TNFRSF10B: variants seen among roughly 807,000 people sequenced by gnomAD.
The protein encoded by TNFRSF10B is TNF receptor superfamily member 10b.
A neutral mutation model predicts 41.4 loss-of-function variants in TNFRSF10B; 35 were observed. That is an observed-to-expected ratio of 0.85 (90% CI 0.65 to 1.12). TNFRSF10B has a LOEUF of 1.12. Ranked by LOEUF, TNFRSF10B falls within the 50% of genes most tolerant of loss-of-function variation. The probability of loss-of-function intolerance (pLI) is 0.00; values close to 1 mark genes in which losing one functional copy is unlikely to be tolerated. For missense variants in TNFRSF10B, 584 were observed against 552.7 expected (o/e 1.06, Z -0.57); for synonymous variants, 230 against 215.5 (o/e 1.07, Z -0.59).
At chr8:23,068,676 T>C in intron 1 of TNFRSF10B, 75 bp downstream of exon 1, 1 of 1,523,562 alleles carries the variant, frequency 6.6e-7, no homozygotes, top group Non-Finnish European at 8.8e-7. Context: ...ACCCCCGCCG[T>C]GTCCCCCTCT....
In TNFRSF10B at chr8:23,022,189, G is replaced by A; in HGVS notation, c.*482C>T. On this transcript the variant is annotated 3_prime_UTR_variant, in exon 9 of 9. Transcript: ENST00000276431. The stretch of plus-strand genomic sequence containing the variant: ...GTGGGAGAATCGCTTGAGCCTGAGA[G>A]GTCAAGGCTATAGTGAGCCAAGATT... 2 of 451,004 alleles carry A rather than the reference G, an allele frequency of 4.4e-6. No individual in the cohort carries two copies. The highest frequency in any genetic ancestry group is 8.9e-6 in the Non-Finnish European group (2 of 224,392). 27.9% of individuals were successfully genotyped at this position (451,004 alleles called of 1,614,324 possible). A position where few individuals can be genotyped will look rare whatever the true frequency, so the allele number is the denominator to read the frequency against.
chr8:23,028,249 C>A (rs1219909623), intron 5 of TNFRSF10B, 82 bp downstream of exon 5: 39 of 1,594,194 alleles, frequency 2.4e-5, no homozygotes, highest in Middle Eastern at 4.2e-4. Flanking sequence ...GGGGCAGGGG[C>A]AGGCGTTTCT....
chr8:23,031,257 T>C (rs1330306349), intron 2 of TNFRSF10B, among the ~76,000 whole-genome samples: 3 of 152,038 alleles, frequency 2.0e-5, no homozygotes, highest in Non-Finnish European at 4.4e-5. Context: ...TGTATTTTTT[T>C]AGTAGAGACA....
At chr8:23,036,843 C>CA (rs989662285) in intron 2 of TNFRSF10B, among the ~76,000 whole-genome samples, 3 of 151,660 alleles carry the variant, frequency 2.0e-5, no homozygotes, top group Non-Finnish European at 2.9e-5. Flanking sequence ...AACTCCGTCT[C>CA]AAAAAAAAGA....
intron 8 of TNFRSF10B, 80 bp from the exon 9 acceptor site, chr8:23,023,064 C>G: frequency 1.3e-6 from 2 of 1,546,598 alleles, no homozygotes; most frequent in South Asian, 2.3e-5. Context: ...GCCCAGAACC[C>G]AAGGCGGGGA....
In TNFRSF10B at chr8:23,068,949, G is replaced by T; in HGVS notation, c.-55C>A. ...AGGCCCGTGGGTTTCAGCCCTTAAA[G>T]TAGATCGGGCATCGTCGGTGTATTT... On this transcript the variant is annotated 5_prime_UTR_variant, in exon 1 of 9. Coordinates refer to ENST00000276431, the MANE Select transcript of TNFRSF10B (RefSeq NM_003842.5). 1.9e-6 allele frequency: 3 copies of T among 1,612,648 alleles called. No individual in the cohort carries two copies. Among genetic ancestry groups the T allele is most frequent in the Non-Finnish European group, 2.5e-6 (3 of 1,179,786 alleles).
chr8:23,032,825 A>G (rs1350489726), intron 2 of TNFRSF10B, among the ~76,000 whole-genome samples: 3 of 152,254 alleles, frequency 2.0e-5, no homozygotes, highest in Non-Finnish European at 2.9e-5. Context: ...AAGGAGGTGC[A>G]AGACTTTTAA....
intron 1 of TNFRSF10B, chr8:23,049,765 A>C (rs1293102545): frequency 2.0e-5 from 3 of 152,046 alleles, no homozygotes; most frequent in Non-Finnish European, 4.4e-5. Flanking sequence ...ATTATTGGGC[A>C]GTGAGATTCA....
intron 2 of TNFRSF10B, among the ~76,000 whole-genome samples, chr8:23,034,696 A>AGGGT (rs1811980035): frequency 6.6e-6 from 1 of 152,240 alleles, no homozygotes; most frequent in African/African-American, 2.4e-5. Context: ...ACTGCACTCC[A>AGGGT]GCCTGGGTGA....
Position 23,043,155 on chromosome 8 carries a change from TCTGAGGGG to T in TNFRSF10B, c.225_232del (p.Ser75ArgfsTer15). The T allele has an allele frequency of 3.7e-6, 6 of 1,614,148 alleles. No individual in the cohort carries two copies. The highest frequency in any genetic ancestry group is 1.7e-5 in the Admixed American group (1 of 60,028). On this transcript the variant is annotated frameshift_variant, in exon 2 of 9. Transcript: ENST00000276431. LOFTEE classifies it high-confidence loss of function. ...GAACATACCAGGTGGACACAATCCCTCTGAGGGGCTGGACCTCTTTTGTTGTGGGGCCG... is the reference window on the plus strand; with the variant it reads ...GAACATACCAGGTGGACACAATCCCTCTGGACCTCTTTTGTTGTGGGGCCG...
At chr8:23,040,692 C>T (rs1437832765) in intron 2 of TNFRSF10B, among the ~76,000 whole-genome samples, 1 of 151,672 alleles carries the variant, frequency 6.6e-6, no homozygotes, top group Non-Finnish European at 1.5e-5. Flanking sequence ...TTAAACTCTG[C>T]AATTAAAAGG....
intron 3 of TNFRSF10B, among the ~76,000 whole-genome samples, chr8:23,030,349 G>T (rs933588002): frequency 2.6e-5 from 4 of 152,130 alleles, no homozygotes; most frequent in African/African-American, 9.7e-5. Context: ...GTTTTGCTCT[G>T]TTGCCTGGGC....
chr8:23,060,148 G>A (rs1238087751), intron 1 of TNFRSF10B, among the ~76,000 whole-genome samples: 1 of 150,166 alleles, frequency 6.7e-6, no homozygotes, highest in Non-Finnish European at 1.5e-5. Context: ...TTTTCAAGAA[G>A]TCCAAAATGT....
At chr8:23,066,899 A>C (rs1813001465) in intron 1 of TNFRSF10B, among the ~76,000 whole-genome samples, 1 of 111,064 alleles carries the variant, frequency 9.0e-6, no homozygotes, top group South Asian at 3.1e-4. Flanking sequence ...CTCCATCTCA[A>C]AACAAACAAA....
intron 1 of TNFRSF10B, 147 bp downstream of exon 1, chr8:23,068,604 C>A: frequency 3.8e-6 from 5 of 1,304,824 alleles, no homozygotes; most frequent in Non-Finnish European, 5.1e-6. Flanking sequence ...TCTCTTCCCC[C>A]GACTCCGACG....
rs187315751 is a variant in TNFRSF10B at position 23,054,915 on chromosome 8, G to C, written c.145-11672C>G. ...TTGCTGCACGGTATATAAGTAATTA[G>C]GCCAAGTATAATAAAGCAAACCAGT... On this transcript the variant is annotated intron_variant, in intron 1 of 8. Coordinates refer to ENST00000276431, the MANE Select transcript of TNFRSF10B (RefSeq NM_003842.5). 3.0e-4 allele frequency among the ~76,000 whole-genome samples: 46 copies of C among 152,246 alleles called. 1 individual carries two copies. The East Asian group carries it at 8.9e-3, about 29-fold the overall frequency.
Position 23,068,808 on chromosome 8 carries a change from C to A in TNFRSF10B, c.87G>T (p.Arg29Ser). The change falls in exon 1 of 9, where the codon AGG becomes AGT. Residue 29 changes from arginine (R) to serine (S), a missense_variant. Arg to Ser is a moderately radical substitution (Grantham distance 110). Coordinates refer to ENST00000276431, the MANE Select transcript of TNFRSF10B (RefSeq NM_003842.5). ...GGGTCTTGGGGACCCGGGGCCCAGG[C>A]CTGGCTCCCCGCGCCTCCCTGGGTC... is the stretch of plus-strand genomic sequence containing the variant. Reference protein sequence around the residue: ...GPGPREARGARPGPRVPKTLV... With the variant: ...GPGPREARGASPGPRVPKTLV... The A allele has an allele frequency of 1.9e-6, 3 of 1,611,480 alleles. No homozygotes were observed. Among genetic ancestry groups the A allele is most frequent in the South Asian group, 1.1e-5 (1 of 90,830 alleles).
At position 23,035,888 on chromosome 8, in the gene TNFRSF10B, GA is replaced by G. The variant is rs562595785; in HGVS notation, c.251-5017del. ...ATGTGCTAGTTTTGAGTGGTGCTCA[GA>G]ACAAGAAAAGGCTCTGCAACAGGTC... On this transcript the variant is annotated intron_variant, in intron 2 of 8. Transcript: ENST00000276431. Among the ~76,000 whole-genome samples, 61 of 152,266 alleles carry G rather than the reference GA, an allele frequency of 4.0e-4. 1 individual carries two copies. Among genetic ancestry groups the G allele is most frequent in the South Asian group, 2.1e-3 (10 of 4,826 alleles).
chr8:23,056,826 C>G (rs1479217516), intron 1 of TNFRSF10B, among the ~76,000 whole-genome samples: 5 of 151,986 alleles, frequency 3.3e-5, no homozygotes, highest in African/African-American at 7.2e-5. Flanking sequence ...ACATTGTTAT[C>G]TATTTCCAAT....
Sources: allele counts gnomAD v4.1 joint callset (sites outside exome capture counted in the v4.1 genomes callset), GRCh38; gene constraint gnomAD v4.1.1; transcripts MANE v1.5; gene names NCBI Gene and HGNC (gene_info 2026-07-23, HGNC 2026-07-21).